ZNF362: variants seen among roughly 807,000 people sequenced by gnomAD.
The protein encoded by ZNF362 is rotund homolog.
A neutral mutation model predicts 42.9 loss-of-function variants in ZNF362; 11 were observed. The ratio of observed to expected loss-of-function variants is 0.26; its 90% CI spans 0.16 to 0.42. The LOEUF (loss-of-function observed/expected upper bound fraction) is 0.42, where lower values mean the gene tolerates loss of function less well. Among genes scored for constraint, ZNF362 ranks in the 20% least tolerant of loss-of-function variants. The probability of loss-of-function intolerance (pLI) is 1.00; values close to 1 mark genes in which losing one functional copy is unlikely to be tolerated. For missense variants in ZNF362, 362 were observed against 576.2 expected (o/e 0.63, Z 3.81); for synonymous variants, 255 against 257.3 (o/e 0.99, Z 0.09).
the ZNF362 span, among the ~76,000 whole-genome samples, chr1:33,236,570 T>TATAC: frequency 1.0e-5 from 1 of 98,484 alleles, no homozygotes; most frequent in African/African-American, 3.6e-5. Context: ...TATATATATA[T>TATAC]ATACATACAC....
At chr1:33,191,805 GTTTC>G in the ZNF362 span, among the ~76,000 whole-genome samples, 1 of 152,282 alleles carries the variant, frequency 6.6e-6, no homozygotes, top group African/African-American at 2.4e-5. Context: ...CCAAAATCCT[GTTTC>G]TTTAAGCAGA....
At chr1:33,256,099 G>A (rs544720713), upstream of ZNF362, among the ~76,000 whole-genome samples, 131 of 151,092 alleles carry the variant, frequency 8.7e-4, 1 homozygote, top group Admixed American at 8.6e-3. Flanking sequence ...GGCGGAGGGG[G>A]GCGAGGAGTT....
chr1:33,189,570 G>T, the ZNF362 span, among the ~76,000 whole-genome samples: 4 of 145,656 alleles, frequency 2.7e-5, no homozygotes, highest in Admixed American at 7.0e-5. Flanking sequence ...TCTTAGCGCC[G>T]CAACCACACT....
chr1:33,190,074 T>C, the ZNF362 span, among the ~76,000 whole-genome samples: 1 of 152,166 alleles, frequency 6.6e-6, no homozygotes, highest in Admixed American at 6.5e-5. Context: ...TGTTCTCCTG[T>C]GTACAGTTAC....
At chr1:33,270,720 C>T in intron 2 of ZNF362, 108 bp downstream of exon 2, 2 of 1,536,602 alleles carry the variant, frequency 1.3e-6, no homozygotes, top group Non-Finnish European at 1.8e-6. Context: ...CGCTGCTACC[C>T]TCTGGGTCTG....
intron 1 of ZNF362, among the ~76,000 whole-genome samples, chr1:33,264,788 T>C (rs1360415105): frequency 2.0e-5 from 3 of 152,072 alleles, no homozygotes. Context: ...TAGTTACCTC[T>C]CTGAGCCTCA....
At chr1:33,152,334 G>A in the ZNF362 span, among the ~76,000 whole-genome samples, 1 of 152,202 alleles carries the variant, frequency 6.6e-6, no homozygotes, top group Non-Finnish European at 1.5e-5. Flanking sequence ...GGGAGGCCGA[G>A]GCAGGCGGAT....
the ZNF362 span, among the ~76,000 whole-genome samples, chr1:33,238,852 C>T: frequency 3.9e-5 from 6 of 152,180 alleles, no homozygotes; most frequent in Admixed American, 3.3e-4. Flanking sequence ...CGATGAAAAG[C>T]CCCCTCTGCA....
At chr1:33,191,597 C>T in the ZNF362 span, among the ~76,000 whole-genome samples, 5 of 152,112 alleles carry the variant, frequency 3.3e-5, no homozygotes, top group Non-Finnish European at 2.9e-5. Context: ...CACTGCCTCC[C>T]AGGTTCAAGT....
the ZNF362 span, among the ~76,000 whole-genome samples, chr1:33,173,407 G>A: frequency 6.6e-6 from 1 of 152,170 alleles, no homozygotes; most frequent in Non-Finnish European, 1.5e-5. Context: ...GTGTGTGTGT[G>A]AGCTTGTGTG....
the ZNF362 span, among the ~76,000 whole-genome samples, chr1:33,161,897 C>T: frequency 6.6e-6 from 1 of 152,158 alleles, no homozygotes; most frequent in African/African-American, 2.4e-5. This position sits in a 1 kb window ranked among gnomAD's most constrained non-coding sequence, Gnocchi z 4.3. Flanking sequence ...CGGGGCTCAT[C>T]CAGGTCAGCG....
At chr1:33,195,842 A>C in the ZNF362 span, 1 of 152,126 alleles carries the variant, frequency 6.6e-6, no homozygotes, top group Non-Finnish European at 1.5e-5. Context: ...GGCTACACTA[A>C]ATTTATAAAA....
the ZNF362 span, among the ~76,000 whole-genome samples, chr1:33,218,253 C>A: frequency 6.6e-6 from 1 of 152,052 alleles, no homozygotes; most frequent in African/African-American, 2.4e-5. Context: ...TCAGCCTGGG[C>A]AACATAGGGA....
At chr1:33,245,193 T>A in the ZNF362 span, among the ~76,000 whole-genome samples, 50 of 152,340 alleles carry the variant, frequency 3.3e-4, no homozygotes, top group African/African-American at 1.1e-3. Flanking sequence ...GTCTGACCGA[T>A]GACCCTTCAT....
the ZNF362 span, among the ~76,000 whole-genome samples, chr1:33,184,456 G>A: frequency 0.041 from 6,181 of 152,224 alleles, 400 homozygotes; most frequent in African/African-American, 0.14. Flanking sequence ...TCTTGCAGCC[G>A]AGTGAGACTT....
chr1:33,233,360 G>A, the ZNF362 span, among the ~76,000 whole-genome samples: 2 of 151,456 alleles, frequency 1.3e-5, no homozygotes, highest in Non-Finnish European at 2.9e-5. Flanking sequence ...CCTTTTCTCT[G>A]CATGCCTGCA....
At chr1:33,284,637 G>A (rs573042150) in intron 6 of ZNF362, among the ~76,000 whole-genome samples, 7 of 151,898 alleles carry the variant, frequency 4.6e-5, no homozygotes, top group Non-Finnish European at 1.0e-4. Context: ...CCAGAATTCT[G>A]AAGAGTTAGT....
chr1:33,277,041 T>C (rs533190031), intron 4 of ZNF362, among the ~76,000 whole-genome samples: 1 of 152,192 alleles, frequency 6.6e-6, no homozygotes, highest in South Asian at 2.1e-4. Flanking sequence ...AGGGAGTATG[T>C]GTGTAGGAAG....
the ZNF362 span, among the ~76,000 whole-genome samples, chr1:33,169,104 G>A: frequency 1.3e-5 from 2 of 152,214 alleles, no homozygotes; most frequent in Non-Finnish European, 2.9e-5. Flanking sequence ...CAAGGATGGG[G>A]AGAGATGAGG....
Sources: gnomAD v4.1 joint callset for allele counts (sites outside exome capture counted in the v4.1 genomes callset) on GRCh38, gnomAD v4.1.1 for gene constraint, Gnocchi (gnomAD v3.1) non-coding constraint, MANE v1.5 for transcripts, NCBI Gene and HGNC (gene_info 2026-07-23, HGNC 2026-07-21) for gene names.